MCPH1: variants seen among roughly 807,000 people sequenced by gnomAD.
The protein encoded by MCPH1 is microcephalin.
Under a neutral mutation model 84.5 loss-of-function variants are expected in MCPH1, and 104 were observed. That is an observed-to-expected ratio of 1.23 (90% CI 1.05 to 1.45). The LOEUF (loss-of-function observed/expected upper bound fraction) is 1.45, where lower values mean the gene tolerates loss of function less well. MCPH1 is among the 40% of genes most tolerant of loss of function. The pLI, the probability that MCPH1 is intolerant of heterozygous loss-of-function variation, is 0.00. For synonymous variants in MCPH1, 514 were observed against 366.8 expected (o/e 1.40, Z -4.58); for missense variants, 1,498 against 1,005.7 (o/e 1.49, Z -6.62).
intron 13 of MCPH1, among the ~76,000 whole-genome samples, chr8:6,634,056 G>A (rs1797358934): frequency 6.6e-6 from 1 of 152,156 alleles, no homozygotes; most frequent in Non-Finnish European, 1.5e-5. Context: ...TATGCTGAAT[G>A]TGATGAGCAG....
At chr8:6,542,633 C>T (rs1262764413) in intron 12 of MCPH1, among the ~76,000 whole-genome samples, 1 of 151,428 alleles carries the variant, frequency 6.6e-6, no homozygotes, top group East Asian at 1.9e-4. Context: ...GGAGCATTAA[C>T]ATTCTTACTT....
intron 12 of MCPH1, among the ~76,000 whole-genome samples, chr8:6,576,039 ATACAGCCTT>A: frequency 1.5e-5 from 1 of 66,100 alleles, no homozygotes. Flanking sequence ...TAGCAAACTA[ATACAGCCTT>A]AAAAAAAAAA....
intron 12 of MCPH1, among the ~76,000 whole-genome samples, chr8:6,597,303 G>C (rs1391759314): frequency 6.6e-6 from 1 of 152,150 alleles, no homozygotes; most frequent in Non-Finnish European, 1.5e-5. Context: ...CAGGACACAG[G>C]CAAGCCCCAG....
At chr8:6,504,245 GA>G (rs1410966099) in intron 12 of MCPH1, among the ~76,000 whole-genome samples, 1 of 149,338 alleles carries the variant, frequency 6.7e-6, no homozygotes, top group East Asian at 2.0e-4. Flanking sequence ...GTGAACCCGG[GA>G]GGCGGAGCTT....
chr8:6,624,147 A>G (rs11996379), intron 13 of MCPH1, among the ~76,000 whole-genome samples: 4,431 of 152,236 alleles, frequency 0.029, 222 homozygotes, highest in African/African-American at 0.1. Context: ...GTGGGTTTTC[A>G]GGAGGCGAAT....
At chr8:6,477,663 A>C in intron 10 of MCPH1, 32 bp downstream of exon 10, 1 of 1,593,376 alleles carries the variant, frequency 6.3e-7, no homozygotes, top group Non-Finnish European at 8.6e-7. Flanking sequence ...TGTTCAATGT[A>C]AAATGTTAAC....
chr8:6,564,474 T>C (rs1417597145), intron 12 of MCPH1, among the ~76,000 whole-genome samples: 5 of 152,194 alleles, frequency 3.3e-5, no homozygotes, highest in Non-Finnish European at 7.3e-5. Context: ...CTCTGTAAGT[T>C]CTGCAAGTCA....
intron 12 of MCPH1, among the ~76,000 whole-genome samples, chr8:6,551,187 G>C (rs530379255): frequency 6.6e-6 from 1 of 152,292 alleles, no homozygotes; most frequent in African/African-American, 2.4e-5. Flanking sequence ...GAGCTGGATA[G>C]AGAAAGGGTC....
At chr8:6,520,743 G>A (rs1402537898) in intron 12 of MCPH1, among the ~76,000 whole-genome samples, 1 of 152,096 alleles carries the variant, frequency 6.6e-6, no homozygotes, top group South Asian at 2.1e-4. Flanking sequence ...CAATAATAAG[G>A]AAGGCAAAAT....
chr8:6,411,498 G>C (rs1417970736), intron 2 of MCPH1, among the ~76,000 whole-genome samples: 1 of 152,216 alleles, frequency 6.6e-6, no homozygotes, highest in African/African-American at 2.4e-5. Flanking sequence ...GGTGCTTTAA[G>C]TGAAAAGGTG....
chr8:6,571,673 A>T (rs1221251834), intron 12 of MCPH1, among the ~76,000 whole-genome samples: 1 of 152,130 alleles, frequency 6.6e-6, no homozygotes, highest in Non-Finnish European at 1.5e-5. Context: ...TCTCTTGGTT[A>T]TAGGTTAAGA....
At chr8:6,478,602 A>G (rs573211415) in intron 10 of MCPH1, among the ~76,000 whole-genome samples, 3 of 152,214 alleles carry the variant, frequency 2.0e-5, no homozygotes, top group East Asian at 1.9e-4. Context: ...TAAGACCTGG[A>G]CATTCTGATT....
In MCPH1 at chr8:6,470,277, G is replaced by T. The variant is rs539119538; in HGVS notation, c.1936-7317G>T. Reference sequence around the variant, plus strand: ...ATTTCTGAGATCCTCATACTTTGGGGTTTTTTTTATTTTTTTATTTTTTCG... The same window carrying T: ...ATTTCTGAGATCCTCATACTTTGGGTTTTTTTTTATTTTTTTATTTTTTCG... On this transcript the variant is annotated intron_variant, in intron 9 of 13. Coordinates refer to ENST00000344683, the MANE Select transcript of MCPH1 (RefSeq NM_024596.5). Among the ~76,000 whole-genome samples the T allele has an allele frequency of 3.6e-4, 55 of 151,754 alleles. 1 individual carries two copies. The Middle Eastern group carries it at 0.01, about 28-fold the overall frequency.
At chr8:6,578,226 T>G (rs1419887916) in intron 12 of MCPH1, among the ~76,000 whole-genome samples, 1 of 152,338 alleles carries the variant, frequency 6.6e-6, no homozygotes, top group South Asian at 2.1e-4. Context: ...GGGTAGAAAT[T>G]CTTTCCCAAA....
intron 7 of MCPH1, among the ~76,000 whole-genome samples, chr8:6,442,791 T>G (rs1489280615): frequency 6.6e-6 from 1 of 152,204 alleles, no homozygotes; most frequent in Non-Finnish European, 1.5e-5. Context: ...AGTACTATGT[T>G]CAAAAGTGCT....
chr8:6,629,615 T>A (rs1440762299), intron 13 of MCPH1, among the ~76,000 whole-genome samples: 2 of 152,192 alleles, frequency 1.3e-5, no homozygotes, highest in Non-Finnish European at 2.9e-5. Context: ...CTGTGACACC[T>A]TGGTCTTGGA....
chr8:6,546,782 C>A (rs954915320), intron 12 of MCPH1, among the ~76,000 whole-genome samples: 1 of 152,194 alleles, frequency 6.6e-6, no homozygotes, highest in African/African-American at 2.4e-5. Context: ...TCCTCCCCTT[C>A]CCCCAATCCA....
rs148264077 is a variant in MCPH1 at position 6,463,149 on chromosome 8, C to T, written c.1935+7897C>T. On this transcript the variant is annotated intron_variant, in intron 9 of 13. Coordinates refer to ENST00000344683, the MANE Select transcript of MCPH1 (RefSeq NM_024596.5). ...GTGATTCTGAGCTGATGGTCATCCTCCCATTGAGAACCTTTGTTTTGGGGG... is the reference window on the plus strand; with the variant it reads ...GTGATTCTGAGCTGATGGTCATCCTTCCATTGAGAACCTTTGTTTTGGGGG... Among the ~76,000 whole-genome samples the T allele has an allele frequency of 2.4e-4, 37 of 152,288 alleles. 2 individuals are homozygous for T. The highest frequency in any genetic ancestry group is 8.9e-4 in the African/African-American group (37 of 41,558).
chr8:6,488,993 C>T (rs977263529), intron 11 of MCPH1, among the ~76,000 whole-genome samples: 2 of 151,840 alleles, frequency 1.3e-5, no homozygotes, highest in African/African-American at 4.8e-5. Context: ...AAGAAGACTC[C>T]CACCCAAATT....
Sources: gnomAD v4.1 joint callset for allele counts (sites outside exome capture counted in the v4.1 genomes callset) on GRCh38, gnomAD v4.1.1 for gene constraint, MANE v1.5 for transcripts, NCBI Gene and HGNC (gene_info 2026-07-23, HGNC 2026-07-21) for gene names.